CSMD1: variants seen among roughly 807,000 people sequenced by gnomAD.
The protein encoded by CSMD1 is CUB and sushi domain-containing protein 1.
In CSMD1, 213 loss-of-function variants were observed where a neutral mutation model predicts 417.5. That is an observed-to-expected ratio of 0.51 (90% confidence interval 0.46 to 0.57). The LOEUF (loss-of-function observed/expected upper bound fraction) is 0.57, where lower values mean the gene tolerates loss of function less well. Ranked by LOEUF, CSMD1 falls within the 20% of genes least tolerant of loss-of-function variation. The pLI is 0.00. For synonymous variants in CSMD1, 2,862 were observed against 1,736.8 expected (o/e 1.65, Z -16.11); for missense variants, 6,923 against 4,529.7 (o/e 1.53, Z -15.17).
intron 3 of CSMD1, among the ~76,000 whole-genome samples, chr8:4,282,613 G>T (rs550725080): frequency 6.6e-6 from 1 of 152,284 alleles, no homozygotes; most frequent in Admixed American, 6.5e-5. Flanking sequence ...CAGGGAGAAA[G>T]GTAGTTAGTA....
intron 2 of CSMD1, among the ~76,000 whole-genome samples, chr8:4,625,343 T>G (rs1585350605): frequency 1.3e-5 from 2 of 152,202 alleles, no homozygotes; most frequent in African/African-American, 2.4e-5. Context: ...GAGGGTCAAG[T>G]TTCAGTGCAA....
At chr8:3,182,591 T>TGTGA (rs1821411494) in intron 36 of CSMD1, among the ~76,000 whole-genome samples, 1 of 38,950 alleles carries the variant, frequency 2.6e-5, no homozygotes, top group Non-Finnish European at 6.9e-5. Flanking sequence ...TGTGTGTGTG[T>TGTGA]GTGTGTGTGT....
chr8:3,620,322 T>C (rs1442107399), intron 7 of CSMD1, among the ~76,000 whole-genome samples: 3 of 149,220 alleles, frequency 2.0e-5, no homozygotes, highest in Non-Finnish European at 2.9e-5. Flanking sequence ...ACACAGTCAC[T>C]TGAAGCCTCA....
chr8:4,864,032 T>C (rs1259374708), intron 1 of CSMD1, among the ~76,000 whole-genome samples: 2 of 152,078 alleles, frequency 1.3e-5, no homozygotes. Flanking sequence ...ATTAATAGCA[T>C]GTTTATTTCA....
At chr8:4,241,521 A>G (rs541642483) in intron 3 of CSMD1, among the ~76,000 whole-genome samples, 2 of 152,194 alleles carry the variant, frequency 1.3e-5, no homozygotes, top group Non-Finnish European at 2.9e-5. Context: ...CCAGGAGGGC[A>G]GGGTCTCTAG....
At chr8:3,632,136 C>T (rs933372571) in intron 7 of CSMD1, among the ~76,000 whole-genome samples, 2 of 152,066 alleles carry the variant, frequency 1.3e-5, no homozygotes, top group Non-Finnish European at 2.9e-5. Context: ...CTTTAACATT[C>T]CTGCTAGAGA....
chr8:3,292,967 G>A (rs907186903), intron 25 of CSMD1, among the ~76,000 whole-genome samples: 2 of 152,118 alleles, frequency 1.3e-5, no homozygotes, highest in African/African-American at 4.8e-5. Context: ...GCTGGTACCG[G>A]TTGTTCCTTT....
intron 12 of CSMD1, among the ~76,000 whole-genome samples, chr8:3,453,548 T>C (rs1247220821): frequency 6.6e-6 from 1 of 152,210 alleles, no homozygotes; most frequent in African/African-American, 2.4e-5. Context: ...CATCTTTATT[T>C]CTACCTTCAT....
At chr8:4,838,878 T>G (rs1457940810) in intron 1 of CSMD1, among the ~76,000 whole-genome samples, 1 of 152,236 alleles carries the variant, frequency 6.6e-6, no homozygotes, top group Non-Finnish European at 1.5e-5. Flanking sequence ...AGCAATCTTT[T>G]GTTCTACTGC....
intron 4 of CSMD1, among the ~76,000 whole-genome samples, chr8:4,002,682 T>A (rs1182734111): frequency 6.6e-6 from 1 of 152,230 alleles, no homozygotes; most frequent in Admixed American, 6.5e-5. Context: ...GGAACCATTA[T>A]CCCTGCAGTG....
intron 2 of CSMD1, among the ~76,000 whole-genome samples, chr8:4,486,144 TATATATATATATACATAC>T (rs1563223598): frequency 9.3e-4 from 25 of 26,840 alleles, no homozygotes; most frequent in African/African-American, 3.3e-3. Context: ...TATACATACA[TATATATATATATACATAC>T]ATATATATAT....
At chr8:4,093,019 G>C (rs1395502329) in intron 3 of CSMD1, among the ~76,000 whole-genome samples, 2 of 152,050 alleles carry the variant, frequency 1.3e-5, no homozygotes, top group South Asian at 2.1e-4. Flanking sequence ...GAGGAATGCT[G>C]TGAACATTTT....
intron 3 of CSMD1, among the ~76,000 whole-genome samples, chr8:4,310,267 T>G (rs981391393): frequency 6.6e-6 from 1 of 152,154 alleles, no homozygotes; most frequent in South Asian, 2.1e-4. Flanking sequence ...AAGTTAGAAC[T>G]GTTATCATGG....
chr8:4,182,762 G>C (rs1048333492), intron 3 of CSMD1, among the ~76,000 whole-genome samples: 3 of 151,948 alleles, frequency 2.0e-5, no homozygotes, highest in African/African-American at 4.8e-5. Context: ...TTTCTCACTA[G>C]TAATGCAGTC....
At chr8:4,796,446 T>A (rs1418584873) in intron 1 of CSMD1, among the ~76,000 whole-genome samples, 1 of 151,912 alleles carries the variant, frequency 6.6e-6, no homozygotes, top group Non-Finnish European at 1.5e-5. Context: ...TCTGCCCCTT[T>A]GTAATGTATG....
chr8:4,350,481 A>G (rs776805717), intron 3 of CSMD1, among the ~76,000 whole-genome samples: 10 of 152,192 alleles, frequency 6.6e-5, no homozygotes, highest in Non-Finnish European at 5.9e-5. Context: ...GCTACAAACC[A>G]CACATAAAGG....
At chr8:4,531,444 T>G (rs1796813690) in intron 2 of CSMD1, among the ~76,000 whole-genome samples, 1 of 152,206 alleles carries the variant, frequency 6.6e-6, no homozygotes, top group Non-Finnish European at 1.5e-5. Flanking sequence ...GGTGAGTAAT[T>G]TGGTTACTGA....
intron 3 of CSMD1, among the ~76,000 whole-genome samples, chr8:4,207,234 T>C (rs946642782): frequency 5.9e-5 from 9 of 152,162 alleles, no homozygotes; most frequent in Non-Finnish European, 1.0e-4. Context: ...CATGCAAATA[T>C]AGCCAGCATT....
chr8:3,833,709 A>G lies in CSMD1; in HGVS notation c.819-79667T>C, dbSNP rs550442383. 2.3e-3 allele frequency among the ~76,000 whole-genome samples: 345 copies of G among 152,226 alleles called. 1 individual carries two copies. Among genetic ancestry groups the G allele is most frequent in the Middle Eastern group, 3.4e-3 (1 of 294 alleles). ...TTCTTCAATCTTTCTGACTGGTTAC[A>G]TATATATAAGGTCTATGTTGGCACT... On this transcript the variant is annotated intron_variant, in intron 5 of 69. Coordinates refer to ENST00000635120, the MANE Select transcript of CSMD1 (RefSeq NM_033225.6).
Sources: gnomAD v4.1 joint callset for allele counts (sites outside exome capture counted in the v4.1 genomes callset) on GRCh38, gnomAD v4.1.1 for gene constraint, MANE v1.5 for transcripts, NCBI Gene and HGNC (gene_info 2026-07-23, HGNC 2026-07-21) for gene names.